WFDC8: variants seen among roughly 807,000 people sequenced by gnomAD.
WFDC8 encodes WAP four-disulfide core domain protein 8.
A neutral mutation model predicts 27.0 loss-of-function variants in WFDC8; 24 were observed. The ratio of observed to expected loss-of-function variants is 0.89; its 90% confidence interval spans 0.64 to 1.25. WFDC8 has a LOEUF of 1.25. WFDC8 is among the 50% of genes most tolerant of loss of function. WFDC8 has a pLI of 0.00. For missense variants in WFDC8, 287 were observed against 295.9 expected, an observed-to-expected ratio of 0.97 and a Z score of 0.22; for synonymous variants, 106 against 99.7, an observed-to-expected ratio of 1.06 and a Z score of -0.38.
intron 1 of WFDC8, 33 bp downstream of exon 1, chr20:45,579,189 C>G: frequency 6.2e-7 from 1 of 1,612,094 alleles, no homozygotes. Flanking sequence ...CCCTCCATGT[C>G]TGGCTACCCA....
intron 1 of WFDC8, among the ~76,000 whole-genome samples, chr20:45,562,647 G>A (rs991352280): frequency 6.6e-6 from 1 of 152,140 alleles, no homozygotes; most frequent in Non-Finnish European, 1.5e-5. Context: ...TTCCCAGAGG[G>A]CCTGGGCACA....
chr20:45,569,872 C>T (rs544325787), intron 1 of WFDC8, among the ~76,000 whole-genome samples: 1 of 152,176 alleles, frequency 6.6e-6, no homozygotes, highest in Admixed American at 6.5e-5. Flanking sequence ...AGAATGAGAT[C>T]ATGTCCTTTG....
At chr20:45,578,608 C>G (rs910180807) in intron 1 of WFDC8, among the ~76,000 whole-genome samples, 2 of 141,314 alleles carry the variant, frequency 1.4e-5, no homozygotes, top group African/African-American at 4.9e-5. Flanking sequence ...GACAGCAAAC[C>G]CAAAGTCAAT....
chr20:45,568,684 A>C, intron 1 of WFDC8: 1 of 536,750 alleles, frequency 1.9e-6, no homozygotes, highest in Non-Finnish European at 3.8e-6. Flanking sequence ...GGTGAACCAC[A>C]AAAGTCACCA....
At chr20:45,553,070 A>G in intron 5 of WFDC8, 66 bp downstream of exon 5, 1 of 1,551,522 alleles carries the variant, frequency 6.4e-7, no homozygotes, top group South Asian at 1.3e-5. Context: ...CCCCCACTCC[A>G]TGGAGACAGC....
intron 1 of WFDC8, among the ~76,000 whole-genome samples, chr20:45,571,734 G>A (rs568394199): frequency 7.2e-5 from 11 of 152,236 alleles, no homozygotes; most frequent in African/African-American, 2.2e-4. Context: ...TGCAATATTT[G>A]TCTTTCTCTG....
intron 1 of WFDC8, among the ~76,000 whole-genome samples, chr20:45,578,474 C>T (rs538325880): frequency 6.6e-5 from 10 of 151,386 alleles, no homozygotes; most frequent in Admixed American, 1.3e-4. Context: ...GAAGCAGCCT[C>T]TATGTGGATT....
chr20:45,555,786 G>A lies in WFDC8; in HGVS notation c.360C>T (p.Cys120=), dbSNP rs752894665. ...CGCAGCCCCTGTATTTGAAGGGTGT[G>A]CAGCGGTAATTTTTAAAGTCAAAAT... is the stretch of plus-strand genomic sequence containing the variant. The part of the protein sequence containing the change: ...RWHFDFKNYR[C]TPFKYRGCEG... The change falls in exon 4 of 6, where the codon TGC becomes TGT. Residue 120 remains cysteine, a synonymous_variant. Transcript: ENST00000289953. 2 of 1,613,804 alleles carry A rather than the reference G, an allele frequency of 1.2e-6. No homozygotes were observed. Among genetic ancestry groups the A allele is most frequent in the Admixed American group, 1.7e-5 (1 of 60,014 alleles).
chr20:45,559,127 C>T, intron 2 of WFDC8, 135 bp from the exon 3 acceptor site: 1 of 1,099,970 alleles, frequency 9.1e-7, no homozygotes, highest in East Asian at 2.4e-5. Context: ...TGCTTATATT[C>T]AGGGGCTAGT....
intron 5 of WFDC8, 124 bp from the exon 6 acceptor site, chr20:45,552,289 A>C: frequency 8.6e-7 from 1 of 1,167,828 alleles, no homozygotes; most frequent in Non-Finnish European, 1.2e-6. Context: ...CTTTCCCCCT[A>C]CAGTAACAAT....
chr20:45,566,653 ACT>A (rs1172782197), intron 1 of WFDC8, among the ~76,000 whole-genome samples: 1 of 152,162 alleles, frequency 6.6e-6, no homozygotes, highest in African/African-American at 2.4e-5. Flanking sequence ...ACAGAGCGAG[ACT>A]CTGTCTCAAA....
chr20:45,551,434 C>T (rs1331528839), downstream of WFDC8: 2 of 152,016 alleles, frequency 1.3e-5, no homozygotes, highest in Non-Finnish European at 2.9e-5. Flanking sequence ...TTGTGACCAG[C>T]TTGGCCAACA....
At chr20:45,565,586 C>T (rs552362694) in intron 1 of WFDC8, among the ~76,000 whole-genome samples, 187 of 152,146 alleles carry the variant, frequency 1.2e-3, no homozygotes, top group African/African-American at 4.4e-3. Flanking sequence ...CTTCTGAATT[C>T]CAAACAAAGG....
rs760960042 is a variant in WFDC8, at chr20:45,553,225, G to C, written c.497C>G (p.Pro166Arg). The C allele has an allele frequency of 1.4e-5, 22 of 1,613,834 alleles. No homozygotes were observed. Among genetic ancestry groups the C allele is most frequent in the Non-Finnish European group, 1.9e-5 (22 of 1,179,812 alleles). The change falls in exon 5 of 6, where the codon CCA (proline) becomes CGA (arginine). Residue 166 changes from proline (P) to arginine (R), a missense_variant. Coordinates refer to ENST00000289953, the MANE Select transcript of WFDC8 (RefSeq NM_130896.3). ...ATCGATGTCACTGTGACATGAAGGT[G>C]GACACTCCTTACGTTCAGTGAAAGG... ...LFPFTERKEC[P>R]PSCHSDIDCP...
chr20:45,572,314 G>A (rs1484349432), intron 1 of WFDC8, among the ~76,000 whole-genome samples: 1 of 149,758 alleles, frequency 6.7e-6, no homozygotes, highest in Non-Finnish European at 1.5e-5. Flanking sequence ...GGAGAATGGC[G>A]TGAACCCAGG....
At chr20:45,571,972 A>C (rs1196769437) in intron 1 of WFDC8, among the ~76,000 whole-genome samples, 2 of 152,156 alleles carry the variant, frequency 1.3e-5, no homozygotes, top group African/African-American at 4.8e-5. Context: ...TACTGATTTC[A>C]TTTCTTTTGG....
intron 3 of WFDC8, among the ~76,000 whole-genome samples, chr20:45,556,508 A>G (rs1296699480): frequency 2.0e-5 from 3 of 152,196 alleles, no homozygotes; most frequent in Admixed American, 2.0e-4. Context: ...GTGGTTCAAG[A>G]AGTTTTGCAA....
At chr20:45,563,272 G>A (rs926999069) in intron 1 of WFDC8, among the ~76,000 whole-genome samples, 5 of 152,100 alleles carry the variant, frequency 3.3e-5, no homozygotes, top group African/African-American at 4.8e-5. Context: ...AGCATATCTT[G>A]GATCCTCAAT....
At chr20:45,556,267 T>C (rs569981871) in intron 3 of WFDC8, among the ~76,000 whole-genome samples, 1 of 152,344 alleles carries the variant, frequency 6.6e-6, no homozygotes, top group East Asian at 1.9e-4. Context: ...AATGTGGTTA[T>C]ATCATATATC....
Sources: allele counts gnomAD v4.1 joint callset (sites outside exome capture counted in the v4.1 genomes callset), GRCh38; gene constraint gnomAD v4.1.1; transcripts MANE v1.5; gene names NCBI Gene and HGNC (gene_info 2026-07-23, HGNC 2026-07-21).